The following RXFP1 variants were observed in gnomAD, a reference collection of about 807,000 sequenced individuals.
RXFP1 encodes relaxin receptor 1.
RXFP1 carries 73 observed loss-of-function variants against 89.8 expected under a neutral mutation model. The observed-to-expected ratio is 0.81, with a 90% confidence interval of 0.67 to 0.99. The LOEUF is 0.99. RXFP1 is among the 50% of genes least tolerant of loss of function. The pLI is 0.00. For synonymous variants in RXFP1, 277 were observed against 305.5 expected, an observed-to-expected ratio of 0.91 and a Z score of 0.97; for missense variants, 793 against 895.5, an observed-to-expected ratio of 0.89 and a Z score of 1.46.
chr4:158,550,437 C>A (rs1749811183), intron 1 of RXFP1, among the ~76,000 whole-genome samples: 2 of 152,218 alleles, frequency 1.3e-5, no homozygotes, highest in Non-Finnish European at 2.9e-5. Context: ...CGGCTCACAC[C>A]TGGTGCGCTG....
At chr4:158,600,576 G>A (rs1053973482) in intron 4 of RXFP1, among the ~76,000 whole-genome samples, 7 of 152,126 alleles carry the variant, frequency 4.6e-5, no homozygotes, top group Non-Finnish European at 1.0e-4. Flanking sequence ...GTCCTATGGA[G>A]CACTTCTCTG....
chr4:158,624,054 T>C (rs914929329), intron 9 of RXFP1, among the ~76,000 whole-genome samples: 2 of 152,160 alleles, frequency 1.3e-5, no homozygotes, highest in Non-Finnish European at 2.9e-5. Flanking sequence ...CTGTTATATG[T>C]ACGTGCACCT....
intron 4 of RXFP1, among the ~76,000 whole-genome samples, chr4:158,600,940 C>G (rs1016794257): frequency 3.9e-5 from 6 of 152,072 alleles, no homozygotes; most frequent in African/African-American, 1.4e-4. Context: ...TATTCTGATG[C>G]AGCCAATTTC....
At chr4:158,544,642 C>G (rs1747755710) in intron 1 of RXFP1, among the ~76,000 whole-genome samples, 1 of 151,948 alleles carries the variant, frequency 6.6e-6, no homozygotes, top group Non-Finnish European at 1.5e-5. Flanking sequence ...GTTCCCCTTC[C>G]TGTGTCCAAG....
intron 3 of RXFP1, among the ~76,000 whole-genome samples, chr4:158,594,512 TTGCTGATCTTCTAG>T (rs1310004765): frequency 1.3e-5 from 2 of 152,138 alleles, no homozygotes; most frequent in African/African-American, 4.8e-5. Context: ...TTTTTTTTTT[TTGCTGATCTTCTAG>T]TGCCTAAAAT....
intron 1 of RXFP1, among the ~76,000 whole-genome samples, chr4:158,533,447 C>T (rs890322890): frequency 8.5e-5 from 13 of 152,110 alleles, no homozygotes; most frequent in Non-Finnish European, 1.3e-4. Context: ...ATCATTATAA[C>T]GAAATACCTT....
At chr4:158,573,446 G>A (rs1485577216) in intron 2 of RXFP1, among the ~76,000 whole-genome samples, 1 of 152,044 alleles carries the variant, frequency 6.6e-6, no homozygotes, top group African/African-American at 2.4e-5. Flanking sequence ...GGCTTTGAAC[G>A]CAGCCCAACA....
At chr4:158,573,947 C>A (rs941975541) in intron 2 of RXFP1, among the ~76,000 whole-genome samples, 1 of 152,128 alleles carries the variant, frequency 6.6e-6, no homozygotes, top group Non-Finnish European at 1.5e-5. Context: ...AGAGACAAAA[C>A]AAACAATATG....
intron 8 of RXFP1, among the ~76,000 whole-genome samples, chr4:158,616,553 ATTTTTTTTTT>A (rs150214475): frequency 7.5e-6 from 1 of 133,386 alleles, no homozygotes; most frequent in Non-Finnish European, 1.6e-5. Flanking sequence ...GGTTTAGGCT[ATTTTTTTTTT>A]TTTTTTTTTA....
intron 1 of RXFP1, among the ~76,000 whole-genome samples, chr4:158,559,360 T>C (rs2149929348): frequency 6.6e-6 from 1 of 152,312 alleles, no homozygotes; most frequent in African/African-American, 2.4e-5. Context: ...TGTACCTTCC[T>C]GAAACCCTAA....
chr4:158,556,111 G>A (rs994919521), intron 1 of RXFP1, among the ~76,000 whole-genome samples: 5 of 151,440 alleles, frequency 3.3e-5, no homozygotes, highest in Non-Finnish European at 5.9e-5. Flanking sequence ...TTTTTGCACA[G>A]CAAAGGAAAC....
rs1480887507 is a variant in RXFP1 at position 158,652,555 on chromosome 4, A to G, written c.*500A>G. 1 of 152,314 alleles carries G rather than the reference A, an allele frequency of 6.6e-6. No homozygotes were observed. The highest frequency in any genetic ancestry group is 2.4e-5 in the African/African-American group (1 of 41,468). The allele number at this position is 152,314 out of a possible 1,614,324, so 9.4% of individuals were successfully genotyped here. A position where few individuals can be genotyped will look rare whatever the true frequency, so the allele number is the denominator to read the frequency against. On this transcript the variant is annotated 3_prime_UTR_variant, in exon 18 of 18. Transcript: ENST00000307765. ...ACTCAGTGTATTTGCATCATAGAAA[A>G]TGTCTGACTGTTTGCAAAATAATAT...
chr4:158,649,011 G>A (rs1479742233), intron 17 of RXFP1, among the ~76,000 whole-genome samples: 5 of 152,124 alleles, frequency 3.3e-5, no homozygotes, highest in Admixed American at 2.6e-4. Flanking sequence ...TACTCAGGAG[G>A]CTAAGGCATG....
Position 158,653,135 on chromosome 4 carries a change from C to T in RXFP1, c.*1080C>T, listed in dbSNP as rs1196887262. 1 of 152,194 alleles carries T rather than the reference C, an allele frequency of 6.6e-6. No homozygotes were observed. Among genetic ancestry groups the T allele is most frequent in the Non-Finnish European group, 1.5e-5 (1 of 68,034 alleles). 9.4% of individuals were successfully genotyped at this position (152,194 alleles called of 1,614,324 possible). ...TTACTTTCTCTTTGCACTGCCAGCA[C>T]GTGAGATACTAACTTTTTAACTAGT... On this transcript the variant is annotated 3_prime_UTR_variant, in exon 18 of 18. Coordinates refer to ENST00000307765, the MANE Select transcript of RXFP1 (RefSeq NM_021634.4).
intron 1 of RXFP1, among the ~76,000 whole-genome samples, chr4:158,551,325 T>C (rs1209857267): frequency 1.3e-5 from 2 of 151,970 alleles, no homozygotes; most frequent in African/African-American, 4.8e-5. Context: ...AATGGAGAGA[T>C]GTTGGCCAAA....
At chr4:158,635,602 T>G (rs1768986647) in intron 12 of RXFP1, among the ~76,000 whole-genome samples, 1 of 152,208 alleles carries the variant, frequency 6.6e-6, no homozygotes, top group Non-Finnish European at 1.5e-5. Context: ...TTGTTCCCAC[T>G]CTTAAGGGAA....
intron 1 of RXFP1, among the ~76,000 whole-genome samples, chr4:158,543,493 AC>A (rs1164281671): frequency 6.6e-6 from 1 of 152,090 alleles, no homozygotes; most frequent in Non-Finnish European, 1.5e-5. Context: ...AACAGGAGTC[AC>A]CTTATTGCTT....
At chr4:158,643,903 T>G (rs922868242) in intron 14 of RXFP1, among the ~76,000 whole-genome samples, 1 of 152,178 alleles carries the variant, frequency 6.6e-6, no homozygotes, top group Admixed American at 6.5e-5. Flanking sequence ...CATTTGTTAC[T>G]TTTTGGTCTT....
chr4:158,530,188 A>G (rs577473320), intron 1 of RXFP1, among the ~76,000 whole-genome samples: 1 of 152,370 alleles, frequency 6.6e-6, no homozygotes, highest in South Asian at 2.1e-4. Context: ...AACAAAATTT[A>G]TATGCGTGTG....
Sources: gnomAD v4.1 joint callset for allele counts (sites outside exome capture counted in the v4.1 genomes callset) on GRCh38, gnomAD v4.1.1 for gene constraint, MANE v1.5 for transcripts, NCBI Gene and HGNC (gene_info 2026-07-23, HGNC 2026-07-21) for gene names.